The following SAMMSON variants were observed in gnomAD, a reference collection of about 807,000 sequenced individuals.
SAMMSON encodes the protein survival associated mitochondrial melanoma specific oncogenic non-coding RNA, also known as long intergenic non-protein coding RNA 1212.
At chr3:70,339,894 C>A (rs189301646) in intron 7 of SAMMSON, among the ~76,000 whole-genome samples, 1 of 152,080 alleles carries the variant, frequency 6.6e-6, no homozygotes, top group African/African-American at 2.4e-5. Context: ...CCCAGCCATC[C>A]CATTACTGGG....
At chr3:70,399,411 A>G (rs763559044) in intron 2 of SAMMSON, among the ~76,000 whole-genome samples, 8 of 152,224 alleles carry the variant, frequency 5.3e-5, no homozygotes, top group Non-Finnish European at 7.3e-5. Flanking sequence ...GCCTGATACA[A>G]TGCCAGTGGA....
rs532420123 is a variant in SAMMSON at position 70,025,387 on chromosome 3, A to T, written n.417+11715A>T. On this transcript the variant is annotated intron_variant and non_coding_transcript_variant, in intron 3 of 9. Transcript: ENST00000642114. ...AGCCTCTTGAGTAGCTGGGATTACA[A>T]GTTCCCGCCACCACACCTGGATAAG... Among the ~76,000 whole-genome samples the T allele has an allele frequency of 5.3e-5, 8 of 152,068 alleles. No homozygotes were observed. The East Asian group carries it at 1.6e-3, about 30-fold the overall frequency.
At chr3:70,003,691 A>G (rs924268897) in intron 1 of SAMMSON, among the ~76,000 whole-genome samples, 2 of 145,682 alleles carry the variant, frequency 1.4e-5, no homozygotes, top group African/African-American at 5.2e-5. Context: ...TTCAGTATTC[A>G]TTTTGACACA....
In SAMMSON at chr3:70,034,674, T is replaced by A. The variant is rs1279949559; in HGVS notation, n.417+21002T>A. On this transcript the variant is annotated intron_variant and non_coding_transcript_variant, in intron 3 of 9. Coordinates refer to ENST00000642114, the Ensembl canonical transcript of SAMMSON. ...GCCTGGCCAACATGGTGAAACCCCA[T>A]CTCTACTAAAAATACAAAAATTAGC... is the stretch of plus-strand genomic sequence containing the variant. 2.0e-5 allele frequency among the ~76,000 whole-genome samples: 3 copies of A among 152,194 alleles called. No individual in the cohort carries two copies. In the East Asian group the frequency reaches 5.8e-4, roughly 29 times the overall value.
At chr3:70,082,790 G>T (rs1198077413) in intron 4 of SAMMSON, among the ~76,000 whole-genome samples, 1 of 152,164 alleles carries the variant, frequency 6.6e-6, no homozygotes, top group African/African-American at 2.4e-5. Context: ...AATGGCAAAT[G>T]CTGCTATAGC....
At chr3:70,331,011 T>A (rs1702617712) in intron 7 of SAMMSON, among the ~76,000 whole-genome samples, 1 of 152,222 alleles carries the variant, frequency 6.6e-6, no homozygotes. Flanking sequence ...ACTTTATTTA[T>A]GTTGATAACA....
chr3:70,182,373 C>T (rs927408505), intron 4 of SAMMSON, among the ~76,000 whole-genome samples: 2 of 152,086 alleles, frequency 1.3e-5, no homozygotes, highest in South Asian at 2.1e-4. Context: ...TGGCTTCTGC[C>T]CAGTCGTTTG....
intron 6 of SAMMSON, among the ~76,000 whole-genome samples, chr3:70,269,330 G>T (rs1299007505): frequency 2.0e-5 from 3 of 152,120 alleles, no homozygotes; most frequent in Non-Finnish European, 4.4e-5. Context: ...CGAGCTAAAG[G>T]TTTCTATGAA....
chr3:70,104,464 G>A (rs1360074155), intron 4 of SAMMSON, among the ~76,000 whole-genome samples: 1 of 152,030 alleles, frequency 6.6e-6, no homozygotes, highest in Non-Finnish European at 1.5e-5. Flanking sequence ...ATTTGATGAT[G>A]CTGATAGAAG....
intron 7 of SAMMSON, among the ~76,000 whole-genome samples, chr3:70,295,587 T>C (rs778161645): frequency 5.9e-5 from 9 of 152,046 alleles, no homozygotes; most frequent in Admixed American, 1.3e-4. Flanking sequence ...CCTGTAGTCC[T>C]ATTCCTAAGT....
chr3:70,036,509 G>A (rs1214050631), intron 3 of SAMMSON, among the ~76,000 whole-genome samples: 1 of 152,094 alleles, frequency 6.6e-6, no homozygotes, highest in Non-Finnish European at 1.5e-5. Flanking sequence ...AAAAAAGTGG[G>A]CATATAACCC....
At chr3:70,394,740 G>A (rs141307148), downstream of SAMMSON, among the ~76,000 whole-genome samples, 627 of 152,102 alleles carry the variant, frequency 4.1e-3, 29 homozygotes, top group South Asian at 0.062. Flanking sequence ...GTAAAATCAC[G>A]TCCAAACTTT....
chr3:70,142,644 ACTC>A (rs2067532552), intron 4 of SAMMSON, among the ~76,000 whole-genome samples: 1 of 152,158 alleles, frequency 6.6e-6, no homozygotes, highest in Admixed American at 6.6e-5. Context: ...CAAAGAACTT[ACTC>A]ATGTAACCAA....
At chr3:70,114,730 A>G (rs2067403111) in intron 4 of SAMMSON, among the ~76,000 whole-genome samples, 1 of 152,228 alleles carries the variant, frequency 6.6e-6, no homozygotes, top group African/African-American at 2.4e-5. Flanking sequence ...AAGGCCAAGT[A>G]GAGATGATAC....
intron 3 of SAMMSON, among the ~76,000 whole-genome samples, chr3:70,055,226 A>T (rs1418060004): frequency 6.6e-6 from 1 of 152,144 alleles, no homozygotes; most frequent in African/African-American, 2.4e-5. Flanking sequence ...AAGCTGGATG[A>T]TGGAGGAATA....
At chr3:70,000,050 G>A (rs1329144815) in intron 1 of SAMMSON, among the ~76,000 whole-genome samples, 1 of 152,308 alleles carries the variant, frequency 6.6e-6, no homozygotes, top group South Asian at 2.1e-4. Context: ...CGAGAAATCC[G>A]GGGATACAGA....
At chr3:70,352,981 A>G (rs1258290199) in intron 7 of SAMMSON, among the ~76,000 whole-genome samples, 1 of 152,084 alleles carries the variant, frequency 6.6e-6, no homozygotes, top group African/African-American at 2.4e-5. Context: ...AATGGAACAA[A>G]AAGATAAATT....
At chr3:70,329,479 CTAAG>C (rs1702604997) in intron 7 of SAMMSON, among the ~76,000 whole-genome samples, 1 of 151,914 alleles carries the variant, frequency 6.6e-6, no homozygotes, top group Non-Finnish European at 1.5e-5. Flanking sequence ...TATATCAAAA[CTAAG>C]TAAGAATTCG....
chr3:70,177,874 C>T (rs1254450149), intron 4 of SAMMSON, among the ~76,000 whole-genome samples: 1 of 152,090 alleles, frequency 6.6e-6, no homozygotes, highest in Non-Finnish European at 1.5e-5. Flanking sequence ...GATCCTTATT[C>T]GTTCATGATA....
Sources: allele counts gnomAD v4.1 joint callset (sites outside exome capture counted in the v4.1 genomes callset), GRCh38; gene constraint gnomAD v4.1.1; transcripts MANE v1.5; gene names NCBI Gene and HGNC (gene_info 2026-07-23, HGNC 2026-07-21).